The following DSCAM variants were observed in gnomAD, a reference collection of about 807,000 sequenced individuals.
The protein encoded by DSCAM is cell adhesion molecule DSCAM.
DSCAM carries 47 observed loss-of-function variants against 217.7 expected under a neutral mutation model. The observed-to-expected ratio is 0.22, with a 90% confidence interval of 0.17 to 0.28. The LOEUF (loss-of-function observed/expected upper bound fraction) is 0.28, where lower values mean the gene tolerates loss of function less well. Ranked by LOEUF, DSCAM falls within the 10% of genes least tolerant of loss-of-function variation. The pLI, the probability that DSCAM is intolerant of heterozygous loss-of-function variation, is 1.00. For synonymous variants in DSCAM, 1,056 were observed against 1,015.3 expected, an observed-to-expected ratio of 1.04 and a Z score of -0.76; for missense variants, 2,080 against 2,618.3, an observed-to-expected ratio of 0.79 and a Z score of 4.49.
intron 11 of DSCAM, among the ~76,000 whole-genome samples, chr21:40,214,296 C>T (rs2091218139): frequency 6.6e-6 from 1 of 152,178 alleles, no homozygotes; most frequent in African/African-American, 2.4e-5. Flanking sequence ...CTTACTCAGT[C>T]ATAGTTAGCT....
At chr21:40,728,038 A>C (rs1257054588) in intron 1 of DSCAM, among the ~76,000 whole-genome samples, 1 of 152,050 alleles carries the variant, frequency 6.6e-6, no homozygotes, top group Non-Finnish European at 1.5e-5. Context: ...TCTCCCCCTC[A>C]GGGATGCTTC....
chr21:40,162,765 A>AGAT (rs2090552976), intron 16 of DSCAM, among the ~76,000 whole-genome samples: 1 of 152,188 alleles, frequency 6.6e-6, no homozygotes, highest in African/African-American at 2.4e-5. Flanking sequence ...ATTTTCACGC[A>AGAT]GATAGTACAA....
intron 3 of DSCAM, among the ~76,000 whole-genome samples, chr21:40,639,917 C>G (rs1289881009): frequency 6.6e-6 from 1 of 152,090 alleles, no homozygotes; most frequent in African/African-American, 2.4e-5. Flanking sequence ...GAGAAAAAAA[C>G]CCATGCCTTG....
chr21:40,277,155 T>C (rs1404032920), intron 10 of DSCAM, among the ~76,000 whole-genome samples: 1 of 152,076 alleles, frequency 6.6e-6, no homozygotes, highest in Non-Finnish European at 1.5e-5. Context: ...TTCTCTGGCC[T>C]GAGTATCTGG....
intron 3 of DSCAM, among the ~76,000 whole-genome samples, chr21:40,493,704 A>G (rs2076094080): frequency 6.6e-6 from 1 of 151,786 alleles, no homozygotes; most frequent in South Asian, 2.1e-4. Context: ...TCTACTAAAA[A>G]TACAAAAAAT....
chr21:40,330,975 T>C (rs1216569115), intron 8 of DSCAM, among the ~76,000 whole-genome samples: 1 of 152,108 alleles, frequency 6.6e-6, no homozygotes, highest in Non-Finnish European at 1.5e-5. Context: ...AAAATAAATA[T>C]GAAAATATGT....
intron 1 of DSCAM, among the ~76,000 whole-genome samples, chr21:40,738,464 C>A (rs533273120): frequency 6.6e-6 from 1 of 152,178 alleles, no homozygotes; most frequent in Non-Finnish European, 1.5e-5. Flanking sequence ...AGCTAACAGG[C>A]ATTTACATCT....
At chr21:40,236,313 C>T (rs551879425) in intron 11 of DSCAM, among the ~76,000 whole-genome samples, 16 of 152,194 alleles carry the variant, frequency 1.1e-4, no homozygotes, top group African/African-American at 3.4e-4. Flanking sequence ...CTCAAAGTGC[C>T]CACTCTGAAG....
At chr21:40,047,077 CATG>C (rs1372646517) in intron 30 of DSCAM, among the ~76,000 whole-genome samples, 10 of 151,228 alleles carry the variant, frequency 6.6e-5, no homozygotes, top group Non-Finnish European at 4.4e-5. Flanking sequence ...AAATTTAGGT[CATG>C]ATATTAGTTT....
intron 3 of DSCAM, among the ~76,000 whole-genome samples, chr21:40,467,209 C>T (rs1317833172): frequency 6.6e-6 from 1 of 152,168 alleles, no homozygotes; most frequent in Non-Finnish European, 1.5e-5. Flanking sequence ...AAAGATAGGT[C>T]ACAAATTTTT....
chr21:40,750,903 G>A (rs2091220865), intron 1 of DSCAM, among the ~76,000 whole-genome samples: 10 of 152,106 alleles, frequency 6.6e-5, no homozygotes, highest in Admixed American at 6.6e-4. Flanking sequence ...TCGTTAGAAT[G>A]ACTAAAATGA....
At chr21:40,039,868 C>G (rs186239892) in intron 32 of DSCAM, among the ~76,000 whole-genome samples, 2 of 151,976 alleles carry the variant, frequency 1.3e-5, no homozygotes, top group African/African-American at 4.8e-5. Context: ...AAAAGAAGCT[C>G]TAAAGTTGAG....
chr21:40,529,732 C>T (rs2076428048), intron 3 of DSCAM, among the ~76,000 whole-genome samples: 1 of 152,166 alleles, frequency 6.6e-6, no homozygotes, highest in Admixed American at 6.5e-5. Flanking sequence ...TAACCACCTT[C>T]AGAACCTCCT....
At chr21:40,287,975 C>G (rs181156250) in intron 10 of DSCAM, among the ~76,000 whole-genome samples, 91 of 152,258 alleles carry the variant, frequency 6.0e-4, no homozygotes, top group Non-Finnish European at 1.0e-3. Context: ...GAAATACAAT[C>G]TCAAGAGAGA....
Position 40,018,892 on chromosome 21 carries a change from A to C in DSCAM, c.5687-5506T>G, listed in dbSNP as rs529833850. Among the ~76,000 whole-genome samples, 26 of 152,338 alleles carry C rather than the reference A, an allele frequency of 1.7e-4. 2 individuals carry two copies. In the South Asian group the frequency reaches 4.8e-3, roughly 28 times the overall value. On this transcript the variant is annotated intron_variant, in intron 32 of 32. Transcript: ENST00000400454. ...AATATCCAATATCTCTGATTGATCC[A>C]GTTTTTCAGGCAAAGCTCTACAAAG...
intron 11 of DSCAM, among the ~76,000 whole-genome samples, chr21:40,247,378 G>A (rs545670655): frequency 2.6e-5 from 4 of 152,322 alleles, no homozygotes; most frequent in African/African-American, 9.6e-5. Flanking sequence ...TTCTGCCTAT[G>A]AGCCTGTGCA....
At position 40,628,746 on chromosome 21, in the gene DSCAM, TATC is replaced by T. The variant is rs751126225; in HGVS notation, c.508+64061_508+64063del. Among the ~76,000 whole-genome samples the T allele has an allele frequency of 3.5e-3, 342 of 98,050 alleles. 1 individual carries two copies. Among genetic ancestry groups the T allele is most frequent in the African/African-American group, 8.3e-3 (209 of 25,080 alleles). The allele number at this position is 98,050 out of a possible 152,430, so 64.3% of individuals were successfully genotyped here. A position where few individuals can be genotyped will look rare whatever the true frequency, so the allele number is the denominator to read the frequency against. ...CTATCTATCTATCTATCTATCTATC[TATC>T]TTTTCTTGTGTTTTTTGAGACAGGG... On this transcript the variant is annotated intron_variant, in intron 3 of 32. Coordinates refer to ENST00000400454, the MANE Select transcript of DSCAM (RefSeq NM_001389.5).
At chr21:40,835,042 G>A (rs1172796737) in intron 1 of DSCAM, among the ~76,000 whole-genome samples, 1 of 152,010 alleles carries the variant, frequency 6.6e-6, no homozygotes, top group East Asian at 1.9e-4. Context: ...GAGACCCCAG[G>A]GAAAAATACT....
intron 1 of DSCAM, among the ~76,000 whole-genome samples, chr21:40,761,343 C>T (rs936871091): frequency 1.3e-5 from 2 of 152,096 alleles, no homozygotes; most frequent in African/African-American, 4.8e-5. Context: ...CATGGCCCCC[C>T]CTCTATTTTC....
Sources: gnomAD v4.1 joint callset for allele counts (sites outside exome capture counted in the v4.1 genomes callset) on GRCh38, gnomAD v4.1.1 for gene constraint, MANE v1.5 for transcripts, NCBI Gene and HGNC (gene_info 2026-07-23, HGNC 2026-07-21) for gene names.